The following CLCN1 variants were observed in gnomAD, a reference collection of about 807,000 sequenced individuals.
CLCN1 encodes chloride channel protein 1.
In CLCN1, 100 loss-of-function variants were observed where a neutral mutation model predicts 114.5. The ratio of observed to expected loss-of-function variants is 0.87; its 90% CI spans 0.74 to 1.03. The LOEUF (loss-of-function observed/expected upper bound fraction) is 1.03. CLCN1 is among the 50% of genes least tolerant of loss of function. The pLI is 0.00. For missense variants in CLCN1, 1,188 were observed against 1,250.0 expected (o/e 0.95, Z 0.75); for synonymous variants, 485 against 487.1 (o/e 1.00, Z 0.06).
Position 143,345,717 on chromosome 7 carries a change from C to T in CLCN1, c.2127C>T (p.Ala709=). The T allele has an allele frequency of 6.3e-7, 1 of 1,579,566 alleles. No individual in the cohort carries two copies. Among genetic ancestry groups the T allele is most frequent in the Non-Finnish European group, 8.6e-7 (1 of 1,163,990 alleles). The change falls in exon 17 of 23, where the codon GCC becomes GCT. Residue 709 remains alanine, a synonymous_variant. Coordinates refer to ENST00000343257, the MANE Select transcript of CLCN1 (RefSeq NM_000083.3). ...GAPPGRPESF[A]FVDEDEDEDL... The stretch of plus-strand genomic sequence containing the variant: ...CTCCAGGCCGGCCCGAGTCCTTCGC[C>T]TTTGTGGATGAGGATGAGGACGAAG...
At position 143,346,270 on chromosome 7, in the gene CLCN1, G is replaced by T; in HGVS notation, c.2284+19G>T. The T allele has an allele frequency of 6.6e-7, 1 of 1,521,280 alleles. No homozygotes were observed. Among genetic ancestry groups the T allele is most frequent in the Non-Finnish European group, 9.1e-7 (1 of 1,097,760 alleles). 94.2% of individuals were successfully genotyped at this position (1,521,280 alleles called of 1,614,324 possible). ...CCTGCAGGTGACGCTCTTCCCTCAT[G>T]CACCCCAACTCACCCCTTGTGGGTT... is the stretch of plus-strand genomic sequence containing the variant. On this transcript the variant is annotated intron_variant, in intron 18 of 22. Coordinates refer to ENST00000343257, the MANE Select transcript of CLCN1 (RefSeq NM_000083.3).
chr7:143,335,657 T>G (rs1347969938), intron 12 of CLCN1, among the ~76,000 whole-genome samples: 1 of 62,946 alleles, frequency 1.6e-5, no homozygotes, highest in Non-Finnish European at 3.1e-5. Flanking sequence ...AATTCAGCTG[T>G]TTTGTTTTTT....
chr7:143,320,601 A>G (rs758649385), intron 2 of CLCN1, 63 bp from the exon 3 acceptor site: 12 of 1,334,232 alleles, frequency 9.0e-6, no homozygotes, highest in Non-Finnish European at 1.3e-5. Flanking sequence ...CTACATATAT[A>G]TATTTTTGTT....
In CLCN1 at chr7:143,332,487, A is replaced by C. The variant is rs1279658001; in HGVS notation, c.1235A>C (p.Gln412Pro). ...ASFTFPPGMG[Q>P]FMAGELMPRE... ...TTCACCTTCCCACCAGGAATGGGTC[A>C]ATTCATGGCTGGAGAGGTCAGCTGT... Residue 412 changes from glutamine to proline, a missense_variant, in exon 11 of 23, where the codon CAA (glutamine) becomes CCA (proline). Physicochemically the swap from Gln to Pro is moderately conservative, Grantham distance 76. Transcript: ENST00000343257. 1.2e-6 allele frequency: 2 copies of C among 1,613,692 alleles called. No homozygotes were observed. The highest frequency in any genetic ancestry group is 3.3e-5 in the Admixed American group (2 of 60,008).
intron 17 of CLCN1, among the ~76,000 whole-genome samples, 170 bp downstream of exon 17, chr7:143,345,932 C>T (rs1448052043): frequency 6.6e-6 from 1 of 151,998 alleles, no homozygotes; most frequent in Non-Finnish European, 1.5e-5. Context: ...GGATCAGGTA[C>T]CATAGAGACC....
At position 143,321,997 on chromosome 7, in the gene CLCN1, G is replaced by A; in HGVS notation, c.696+149G>A. On this transcript the variant is annotated intron_variant, in intron 5 of 22. Transcript: ENST00000343257. This position sits in a 1 kb window ranked among gnomAD's most constrained non-coding sequence, Gnocchi z 4.2. ...GGACACTAGGAAGGGGAAATGCTTT[G>A]GAAGTTCCTCCAACTGAGGTCCAAT... is the stretch of plus-strand genomic sequence containing the variant. The A allele has an allele frequency of 1.1e-6, 1 of 933,578 alleles. No individual in the cohort carries two copies. Among genetic ancestry groups the A allele is most frequent in the Non-Finnish European group, 1.6e-6 (1 of 634,938 alleles). 57.8% of individuals were successfully genotyped at this position (933,578 alleles called of 1,614,324 possible).
rs1318453163 is a variant in CLCN1 at position 143,324,437 on chromosome 7, C to A, written c.798C>A (p.Ile266=). Residue 266 remains isoleucine (I), a synonymous_variant, in exon 7 of 23, where the codon ATC becomes ATA. Transcript: ENST00000343257. The surrounding 1 kb of genome is among the most constrained non-coding windows in gnomAD (Gnocchi z 4.6). ...AGCAGCCATACTACTACTCTGATAT[C>A]CTGACGGTGGGCTGTGCTGTGGGAG... ...VYEQPYYYSD[I]LTVGCAVGVG... 9 of 1,613,808 alleles carry A rather than the reference C, an allele frequency of 5.6e-6. No individual in the cohort carries two copies.
intron 16 of CLCN1, among the ~76,000 whole-genome samples, chr7:143,344,431 A>G (rs559233519): frequency 6.6e-6 from 1 of 151,908 alleles, no homozygotes; most frequent in South Asian, 2.1e-4. Flanking sequence ...TGGAGTCATT[A>G]AGATTGTTAG....
chr7:143,332,682 G>T, intron 11 of CLCN1, 42 bp from the exon 12 acceptor site: 1 of 1,612,446 alleles, frequency 6.2e-7, no homozygotes, highest in Non-Finnish European at 8.5e-7. Context: ...AAGCACAGGA[G>T]TTCCCTGGAG....
At chr7:143,328,154 A>G (rs1362074950) in intron 7 of CLCN1, among the ~76,000 whole-genome samples, 2 of 152,212 alleles carry the variant, frequency 1.3e-5, no homozygotes, top group Non-Finnish European at 2.9e-5. Context: ...TGACATATCT[A>G]GGTGAGACCA....
chr7:143,332,077 CCTT>C (rs1802738662), intron 10 of CLCN1, among the ~76,000 whole-genome samples: 1 of 152,164 alleles, frequency 6.6e-6, no homozygotes, highest in African/African-American at 2.4e-5. Context: ...GATCTACCCT[CCTT>C]GGCCTCCCAA....
At chr7:143,334,757 A>G (rs1010698484) in intron 12 of CLCN1, among the ~76,000 whole-genome samples, 1 of 152,222 alleles carries the variant, frequency 6.6e-6, no homozygotes, top group African/African-American at 2.4e-5. Flanking sequence ...TAGGTGGTTT[A>G]GTTGAATCTA....
In CLCN1 at chr7:143,332,521, C is replaced by A. The variant is rs1245731447; in HGVS notation, c.1251+18C>A. 6.3e-7 allele frequency: 1 copy of A among 1,599,404 alleles called. No homozygotes were observed. The highest frequency in any genetic ancestry group is 8.6e-7 in the Non-Finnish European group (1 of 1,166,550). On this transcript the variant is annotated intron_variant, in intron 11 of 22. Transcript: ENST00000343257. ...CTGGAGAGGTCAGCTGTTGGTGGGGCCACATGGTAAAGAGGAAACAGCACA... is the reference window on the plus strand; with the variant it reads ...CTGGAGAGGTCAGCTGTTGGTGGGGACACATGGTAAAGAGGAAACAGCACA...
intron 12 of CLCN1, among the ~76,000 whole-genome samples, chr7:143,338,793 CAA>C (rs535268770): frequency 5.4e-4 from 42 of 77,894 alleles, no homozygotes; most frequent in South Asian, 3.4e-3. Context: ...GACCCTGTCT[CAA>C]AAAAAAAAAA....
chr7:143,320,904 G>C (rs1046308847), intron 3 of CLCN1, 109 bp downstream of exon 3: 25 of 1,336,500 alleles, frequency 1.9e-5, no homozygotes, highest in Non-Finnish European at 2.6e-5. Context: ...TATGGGAAGC[G>C]AATATTGCGC....
intron 16 of CLCN1, among the ~76,000 whole-genome samples, chr7:143,344,358 A>G (rs1023259446): frequency 2.6e-5 from 4 of 152,396 alleles, no homozygotes; most frequent in East Asian, 1.9e-4. Flanking sequence ...TCTACTAGAT[A>G]TTAAATGAAT....
At chr7:143,322,046 A>G (rs553350860) in intron 5 of CLCN1, among the ~76,000 whole-genome samples, 198 bp downstream of exon 5, 1 of 152,332 alleles carries the variant, frequency 6.6e-6, no homozygotes, top group South Asian at 2.1e-4. Flanking sequence ...CAGCTTGGGG[A>G]GCTTGGAGCA....
intron 16 of CLCN1, 46 bp from the exon 17 acceptor site, chr7:143,345,475 A>G: frequency 6.8e-7 from 1 of 1,480,736 alleles, no homozygotes. Context: ...CGGTGGTGCG[A>G]GAGGGCTTGG....
rs1586510870 is a variant in CLCN1, at chr7:143,342,130, G to A, written c.1784G>A (p.Trp595Ter). 6.2e-7 allele frequency: 1 copy of A among 1,614,096 alleles called. No homozygotes were observed. The highest frequency in any genetic ancestry group is 8.5e-7 in the Non-Finnish European group (1 of 1,179,954). ...KKLPYLPDLG[W>*]NQLSKYTIFV... is the part of the protein sequence containing the mutation. ...CTACCCTACTTGCCTGACCTTGGCT[G>A]GAACCAGCTCAGGTCAGGGGCACTA... The change falls in exon 15 of 23, where the codon TGG becomes TAG. Residue 595 changes from tryptophan to a stop codon, truncating the protein, a stop_gained. Coordinates refer to ENST00000343257, the MANE Select transcript of CLCN1 (RefSeq NM_000083.3). LOFTEE classifies it high-confidence loss of function.
Sources: gnomAD v4.1 joint callset for allele counts (sites outside exome capture counted in the v4.1 genomes callset) on GRCh38, gnomAD v4.1.1 for gene constraint, Gnocchi (gnomAD v3.1) non-coding constraint, MANE v1.5 for transcripts, NCBI Gene and HGNC (gene_info 2026-07-23, HGNC 2026-07-21) for gene names.